Variants in DPP10 observed in about 807,000 individuals in gnomAD.
DPP10 encodes dipeptidyl peptidase like 10.
Under a neutral mutation model 120.9 loss-of-function variants are expected in DPP10, and 33 were observed. The observed-to-expected ratio is 0.27, with a 90% CI of 0.21 to 0.37. The LOEUF is 0.37. Among genes scored for constraint, DPP10 ranks in the 10% least tolerant of loss-of-function variants. DPP10 has a pLI of 1.00. For synonymous variants in DPP10, 337 were observed against 326.1 expected, an observed-to-expected ratio of 1.03 and a Z score of -0.36; for missense variants, 816 against 942.8, an observed-to-expected ratio of 0.87 and a Z score of 1.76.
intron 3 of DPP10, among the ~76,000 whole-genome samples, chr2:115,382,030 G>A (rs2106477096): frequency 6.6e-6 from 1 of 152,318 alleles, no homozygotes; most frequent in Admixed American, 6.5e-5. Flanking sequence ...TGCCCCCAGA[G>A]GTGGAGCCTA....
chr2:115,372,433 A>C (rs768740911), intron 3 of DPP10, among the ~76,000 whole-genome samples: 2 of 152,128 alleles, frequency 1.3e-5, no homozygotes, highest in Non-Finnish European at 2.9e-5. Flanking sequence ...GTTTCATAGA[A>C]TCTATTTGAT....
At chr2:115,444,188 C>T (rs575562425) in intron 3 of DPP10, among the ~76,000 whole-genome samples, 51 of 152,228 alleles carry the variant, frequency 3.4e-4, no homozygotes, top group Non-Finnish European at 6.5e-4. Flanking sequence ...GGTCCAAGTT[C>T]TGGTCATTTT....
chr2:114,835,031 A>T (rs1379996639), intron 1 of DPP10: 1 of 150,232 alleles, frequency 6.7e-6, no homozygotes, highest in African/African-American at 2.5e-5. Context: ...CTACACACCT[A>T]TGTACATATC....
chr2:114,813,017 C>T (rs996452098), intron 1 of DPP10, among the ~76,000 whole-genome samples: 1 of 152,160 alleles, frequency 6.6e-6, no homozygotes, highest in African/African-American at 2.4e-5. Context: ...CTGTATACAG[C>T]GTGTGGTCCA....
At chr2:115,007,788 CA>C (rs1701965432) in intron 1 of DPP10, among the ~76,000 whole-genome samples, 1 of 147,924 alleles carries the variant, frequency 6.8e-6, no homozygotes, top group Non-Finnish European at 1.5e-5. Flanking sequence ...CAACAACAGA[CA>C]AACAGAGAGC....
rs529810374 is a variant in DPP10 at position 114,700,681 on chromosome 2, T to G, written c.60+257843T>G. On this transcript the variant is annotated intron_variant, in intron 1 of 25. Transcript: ENST00000410059. ...CTGCCTGGTAAGCCTTAACTCTGCC[T>G]TTATGACGGAATTCATGTACAGCCT... Among the ~76,000 whole-genome samples, 15 of 152,196 alleles carry G rather than the reference T, an allele frequency of 9.9e-5. No homozygotes were observed. In the East Asian group the frequency reaches 2.9e-3, roughly 30 times the overall value.
intron 3 of DPP10, among the ~76,000 whole-genome samples, chr2:115,344,271 A>G (rs567571776): frequency 1.3e-5 from 2 of 152,308 alleles, no homozygotes; most frequent in South Asian, 4.1e-4. Context: ...TAGGGCGTCA[A>G]TAAATTATTT....
intron 1 of DPP10, among the ~76,000 whole-genome samples, chr2:114,609,207 T>C (rs1003280497): frequency 1.8e-4 from 27 of 152,094 alleles, no homozygotes; most frequent in East Asian, 3.9e-4. Flanking sequence ...TATTTTGGAG[T>C]GGCGGAGACC....
chr2:115,152,056 T>G (rs1039936668), intron 1 of DPP10, among the ~76,000 whole-genome samples: 1 of 152,214 alleles, frequency 6.6e-6, no homozygotes, highest in Non-Finnish European at 1.5e-5. Context: ...TTAATGTCCT[T>G]TAGCTTATTT....
At chr2:115,139,954 T>C (rs2050839723) in intron 1 of DPP10, among the ~76,000 whole-genome samples, 1 of 152,010 alleles carries the variant, frequency 6.6e-6, no homozygotes, top group Admixed American at 6.6e-5. Context: ...TCATGTACCA[T>C]GACAGACACA....
At chr2:114,598,078 A>C (rs912472778) in intron 1 of DPP10, among the ~76,000 whole-genome samples, 1 of 151,968 alleles carries the variant, frequency 6.6e-6, no homozygotes. Flanking sequence ...CAGAGGCCAC[A>C]TTTCCTAGTT....
chr2:115,731,322 C>T (rs2092904399), intron 8 of DPP10, among the ~76,000 whole-genome samples: 1 of 151,578 alleles, frequency 6.6e-6, no homozygotes, highest in Non-Finnish European at 1.5e-5. Flanking sequence ...TGCCACTGCA[C>T]TCCAGCCTGG....
chr2:115,500,254 T>C (rs551084182), intron 4 of DPP10, among the ~76,000 whole-genome samples: 1 of 151,974 alleles, frequency 6.6e-6, no homozygotes, highest in Non-Finnish European at 1.5e-5. Context: ...ATTGCAAATG[T>C]TGAAAATCTA....
At chr2:115,378,781 A>G (rs1479755919) in intron 3 of DPP10, among the ~76,000 whole-genome samples, 9 of 152,148 alleles carry the variant, frequency 5.9e-5, no homozygotes, top group Non-Finnish European at 1.0e-4. Flanking sequence ...AATTTTGTCA[A>G]AGGCCTTTTC....
intron 1 of DPP10, among the ~76,000 whole-genome samples, chr2:115,225,589 A>G (rs182872870): frequency 2.7e-4 from 41 of 152,134 alleles, no homozygotes; most frequent in African/African-American, 9.9e-4. Context: ...TTTGCCAATC[A>G]TCTATGGGTA....
In DPP10 at chr2:115,196,743, A is replaced by G. The variant is rs535900615; in HGVS notation, c.61-112496A>G. Among the ~76,000 whole-genome samples, 35 of 152,300 alleles carry G rather than the reference A, an allele frequency of 2.3e-4. 1 individual carries two copies. The highest frequency in any genetic ancestry group is 8.4e-4 in the African/African-American group (35 of 41,572). On this transcript the variant is annotated intron_variant, in intron 1 of 25. Coordinates refer to ENST00000410059, the MANE Select transcript of DPP10 (RefSeq NM_020868.6). ...TTTGGAGATTGTTAAGGCATTCATG[A>G]ATCCTTTGGAGCTGTCAGCCTGCAC...
intron 1 of DPP10, among the ~76,000 whole-genome samples, chr2:114,737,267 C>G (rs552145039): frequency 1.3e-5 from 2 of 152,328 alleles, no homozygotes; most frequent in South Asian, 4.1e-4. Context: ...ACGTTGCCCT[C>G]TCCTGAGCTA....
chr2:114,984,780 G>A (rs1198666048), intron 1 of DPP10, among the ~76,000 whole-genome samples: 1 of 152,124 alleles, frequency 6.6e-6, no homozygotes, highest in East Asian at 1.9e-4. Context: ...GAAGCCTTGA[G>A]GTTCATTTCC....
At chr2:115,711,463 T>C (rs577561591) in intron 7 of DPP10, among the ~76,000 whole-genome samples, 27 of 151,984 alleles carry the variant, frequency 1.8e-4, no homozygotes, top group Admixed American at 5.3e-4. Context: ...TAAAATGGAG[T>C]TTAAGATTAC....
Sources: gnomAD v4.1 joint callset for allele counts (sites outside exome capture counted in the v4.1 genomes callset) on GRCh38, gnomAD v4.1.1 for gene constraint, MANE v1.5 for transcripts, NCBI Gene and HGNC (gene_info 2026-07-23, HGNC 2026-07-21) for gene names.